ADK: variants seen among roughly 807,000 people sequenced by gnomAD.
ADK encodes adenosine kinase.
In ADK, 24 loss-of-function variants were observed where a neutral mutation model predicts 44.7. The observed-to-expected ratio is 0.54, with a 90% confidence interval of 0.39 to 0.76. The LOEUF (loss-of-function observed/expected upper bound fraction) is 0.76, where lower values mean the gene tolerates loss of function less well. Ranked by LOEUF, ADK falls within the 30% of genes least tolerant of loss-of-function variation. The probability of loss-of-function intolerance (pLI) is 0.00; values close to 1 mark genes in which losing one functional copy is unlikely to be tolerated. For synonymous variants in ADK, 128 were observed against 142.6 expected (o/e 0.90, Z 0.73); for missense variants, 321 against 425.1 (o/e 0.76, Z 2.15).
intron 4 of ADK, among the ~76,000 whole-genome samples, chr10:74,347,396 T>C (rs1428801529): frequency 6.6e-6 from 1 of 151,912 alleles, no homozygotes; most frequent in Non-Finnish European, 1.5e-5. Context: ...CCAGATACCA[T>C]GATTTTCCTA....
chr10:74,645,783 C>T (rs920558584), intron 9 of ADK, among the ~76,000 whole-genome samples: 9 of 152,110 alleles, frequency 5.9e-5, no homozygotes, highest in Non-Finnish European at 1.3e-4. Flanking sequence ...GACAACTGAA[C>T]AAGAACTTTT....
chr10:74,691,815 T>G (rs1855999326), intron 10 of ADK, among the ~76,000 whole-genome samples: 2 of 152,176 alleles, frequency 1.3e-5, no homozygotes, highest in African/African-American at 2.4e-5. Context: ...TTTTTTTAAT[T>G]GAAAAATATT....
chr10:74,439,013 C>T (rs765147153), intron 6 of ADK, among the ~76,000 whole-genome samples: 6 of 152,178 alleles, frequency 3.9e-5, no homozygotes, highest in South Asian at 2.1e-4. Flanking sequence ...TTGTAGTCAG[C>T]GTTTTTCCAA....
chr10:74,582,392 C>T lies in ADK; in HGVS notation c.727-6890C>T, dbSNP rs367744387. On this transcript the variant is annotated intron_variant, in intron 7 of 10. Transcript: ENST00000539909. Reference sequence around the variant, plus strand: ...CCTAACATTTTTCTTATGCTAGCCTCTTTCTTCTTGTTCTTTAATACTAAA... The same window carrying T: ...CCTAACATTTTTCTTATGCTAGCCTTTTTCTTCTTGTTCTTTAATACTAAA... 5.5e-4 allele frequency among the ~76,000 whole-genome samples: 83 copies of T among 152,272 alleles called. No individual in the cohort carries two copies. In the East Asian group the frequency reaches 0.016, roughly 29 times the overall value.
chr10:74,671,950 G>A (rs578049826), intron 10 of ADK, among the ~76,000 whole-genome samples: 5 of 152,250 alleles, frequency 3.3e-5, no homozygotes, highest in South Asian at 2.1e-4. Flanking sequence ...TAATGCTACC[G>A]ATACTAGGTG....
chr10:74,223,783 T>G (rs754199982), intron 2 of ADK, among the ~76,000 whole-genome samples: 1 of 151,926 alleles, frequency 6.6e-6, no homozygotes, highest in African/African-American at 2.4e-5. Context: ...TAGTAAATGG[T>G]CAATCAAAAA....
intron 4 of ADK, among the ~76,000 whole-genome samples, chr10:74,347,106 C>CAAAAAAAA (rs58074760): frequency 9.8e-5 from 9 of 92,296 alleles, no homozygotes; most frequent in African/African-American, 4.1e-4. Flanking sequence ...CACTCTGTCT[C>CAAAAAAAA]AAAAAAAAAA....
rs1554835954 is a variant in ADK, at chr10:74,267,754, T to TTTTGTGTGTGTGTGTGTGTGTG, written c.194+43164_194+43165insTTGTGTGTGTGTGTGTGTGTGT. Among the ~76,000 whole-genome samples the TTTTGTGTGTGTGTGTGTGTGTG allele has an allele frequency of 1.2e-3, 165 of 132,800 alleles. 4 individuals are homozygous for TTTTGTGTGTGTGTGTGTGTGTG. The highest frequency in any genetic ancestry group is 1.5e-3 in the South Asian group (6 of 3,976). The allele number at this position is 132,800 out of a possible 152,430, so 87.1% of individuals were successfully genotyped here. ...ATCAGCTATTGGCTTATATCCTTAT[T>TTTTGTGTGTGTGTGTGTGTGTG]TGTGTGTGTGTGTGTGTGTGTGTGT... On this transcript the variant is annotated intron_variant, in intron 3 of 10. Transcript: ENST00000539909.
At chr10:74,339,145 A>C (rs1841505060) in intron 4 of ADK, among the ~76,000 whole-genome samples, 2 of 151,900 alleles carry the variant, frequency 1.3e-5, no homozygotes, top group Non-Finnish European at 2.9e-5. Flanking sequence ...TTTTTTGTAG[A>C]GATGGGGGTC....
intron 6 of ADK, among the ~76,000 whole-genome samples, chr10:74,409,323 G>A (rs1388650735): frequency 6.6e-6 from 1 of 152,060 alleles, no homozygotes; most frequent in Non-Finnish European, 1.5e-5. Flanking sequence ...TTAAACTTTA[G>A]GTATTAAAAA....
intron 6 of ADK, among the ~76,000 whole-genome samples, chr10:74,453,113 C>T (rs1845829599): frequency 6.6e-6 from 1 of 151,910 alleles, no homozygotes; most frequent in South Asian, 2.1e-4. Context: ...TCTGAAAAAT[C>T]TCACAAATGA....
At chr10:74,299,357 C>T (rs938082877) in intron 3 of ADK, among the ~76,000 whole-genome samples, 2 of 147,824 alleles carry the variant, frequency 1.4e-5, no homozygotes, top group African/African-American at 5.0e-5. Flanking sequence ...AAATTAGCAG[C>T]GTGTGGTGGC....
intron 6 of ADK, among the ~76,000 whole-genome samples, chr10:74,467,058 A>G (rs1340795504): frequency 6.6e-6 from 1 of 152,122 alleles, no homozygotes; most frequent in Non-Finnish European, 1.5e-5. Flanking sequence ...GAAGGAAAAG[A>G]TAATAATCAA....
chr10:74,308,879 C>G (rs1166486654), intron 3 of ADK, among the ~76,000 whole-genome samples: 2 of 152,078 alleles, frequency 1.3e-5, no homozygotes, highest in Non-Finnish European at 2.9e-5. Flanking sequence ...CTCTCTCCTT[C>G]CCTCCCACCC....
intron 6 of ADK, among the ~76,000 whole-genome samples, chr10:74,510,656 T>A (rs1264029300): frequency 6.6e-6 from 1 of 152,216 alleles, no homozygotes; most frequent in Non-Finnish European, 1.5e-5. Context: ...TCCTAAAGCA[T>A]TTCACCTGTG....
intron 9 of ADK, among the ~76,000 whole-genome samples, chr10:74,611,250 C>G (rs1255686694): frequency 6.6e-6 from 1 of 152,094 alleles, no homozygotes. Flanking sequence ...ATGCTAGTCT[C>G]AAACTCCTGA....
intron 10 of ADK, among the ~76,000 whole-genome samples, chr10:74,692,802 G>C (rs920160747): frequency 6.6e-6 from 1 of 152,134 alleles, no homozygotes; most frequent in African/African-American, 2.4e-5. Flanking sequence ...TGTAGCCTGG[G>C]AACAATAGGC....
At chr10:74,354,885 C>T (rs1356096969) in intron 4 of ADK, among the ~76,000 whole-genome samples, 1 of 152,188 alleles carries the variant, frequency 6.6e-6, no homozygotes, top group East Asian at 1.9e-4. Context: ...TTTCTCACTT[C>T]CACTCACTGC....
At chr10:74,287,942 A>G (rs1847244064) in intron 3 of ADK, among the ~76,000 whole-genome samples, 1 of 148,950 alleles carries the variant, frequency 6.7e-6, no homozygotes, top group African/African-American at 2.5e-5. Context: ...TAATGGTGCC[A>G]CTACACTCCT....
Sources: allele counts gnomAD v4.1 joint callset (sites outside exome capture counted in the v4.1 genomes callset), GRCh38; gene constraint gnomAD v4.1.1; transcripts MANE v1.5; gene names NCBI Gene and HGNC (gene_info 2026-07-23, HGNC 2026-07-21).